COLEC12: variants seen among roughly 807,000 people sequenced by gnomAD.
COLEC12 encodes the protein collectin-12.
COLEC12 carries 33 observed loss-of-function variants against 71.1 expected under a neutral mutation model. The ratio of observed to expected loss-of-function variants is 0.46; its 90% confidence interval spans 0.35 to 0.62. COLEC12 has a LOEUF of 0.62. Ranked by LOEUF, COLEC12 falls within the 20% of genes least tolerant of loss-of-function variation. The pLI, the probability that COLEC12 is intolerant of heterozygous loss-of-function variation, is 0.00. For synonymous variants in COLEC12, 350 were observed against 353.0 expected, an observed-to-expected ratio of 0.99 and a Z score of 0.10; for missense variants, 765 against 916.1, an observed-to-expected ratio of 0.84 and a Z score of 2.13.
intron 2 of COLEC12, among the ~76,000 whole-genome samples, chr18:358,903 T>C (rs771980040): frequency 2.6e-5 from 4 of 152,236 alleles, no homozygotes; most frequent in Admixed American, 6.5e-5. Context: ...TTTATAATCT[T>C]ATGGGACTGC....
intron 2 of COLEC12, among the ~76,000 whole-genome samples, chr18:476,290 C>T (rs1440030796): frequency 6.6e-6 from 1 of 152,190 alleles, no homozygotes; most frequent in Non-Finnish European, 1.5e-5. Context: ...TCACAGTTTG[C>T]CATTATTCAG....
intron 3 of COLEC12, among the ~76,000 whole-genome samples, chr18:350,208 C>T (rs186338043): frequency 1.0e-3 from 152 of 152,250 alleles, no homozygotes; most frequent in Admixed American, 5.6e-3. Flanking sequence ...ATCATGGGGG[C>T]GGTTTCCCCC....
intron 2 of COLEC12, among the ~76,000 whole-genome samples, chr18:370,768 C>T (rs1914982059): frequency 6.6e-6 from 1 of 152,080 alleles, no homozygotes; most frequent in Non-Finnish European, 1.5e-5. Context: ...CTAAATGGTG[C>T]CTAGCCAGAG....
rs753836868 is a variant in COLEC12 at position 320,058 on chromosome 18, G to A, written c.2216C>T (p.Ser739Leu). 8 of 1,549,828 alleles carry A rather than the reference G, an allele frequency of 5.2e-6. No homozygotes were observed. Among genetic ancestry groups the A allele is most frequent in the Non-Finnish European group, 1.8e-6 (2 of 1,135,262 alleles). ...ICEKDRETVL[S>L]SAL is the part of the protein sequence containing the mutation. ...CATCACAGTCCGTTATAATGCAGAT[G>A]ACAGTACTAAAAGAGAGAAATAAGA... is the stretch of plus-strand genomic sequence containing the variant. The change falls in exon 10 of 10, where the codon TCA becomes TTA. Residue 739 changes from serine to leucine, a missense_variant. Physicochemically the swap from Ser to Leu is moderately radical, Grantham distance 145. Transcript: ENST00000400256.
At chr18:420,706 T>G (rs1916080897) in intron 2 of COLEC12, among the ~76,000 whole-genome samples, 2 of 152,150 alleles carry the variant, frequency 1.3e-5, no homozygotes, top group Admixed American at 1.3e-4. Flanking sequence ...CTCATTTGTT[T>G]GTGTATATTT....
chr18:434,996 T>A (rs776054927), intron 2 of COLEC12, among the ~76,000 whole-genome samples: 2 of 152,200 alleles, frequency 1.3e-5, no homozygotes, highest in African/African-American at 2.4e-5. Context: ...CAGCCTTGCC[T>A]GTTATCACAA....
chr18:392,056 T>C (rs1463149484), intron 2 of COLEC12, among the ~76,000 whole-genome samples: 1 of 152,234 alleles, frequency 6.6e-6, no homozygotes, highest in East Asian at 1.9e-4. Context: ...AGCCAGTGTA[T>C]ACCTGGGGCC....
chr18:420,989 G>A (rs941565105), intron 2 of COLEC12, among the ~76,000 whole-genome samples: 9 of 152,132 alleles, frequency 5.9e-5, no homozygotes, highest in Admixed American at 1.3e-4. Context: ...TAGACCTATC[G>A]GAAATTATTC....
At chr18:455,821 T>C (rs1916860655) in intron 2 of COLEC12, among the ~76,000 whole-genome samples, 1 of 152,196 alleles carries the variant, frequency 6.6e-6, no homozygotes, top group Non-Finnish European at 1.5e-5. Flanking sequence ...TGCAAAGACA[T>C]GATCTCATTC....
At chr18:374,763 T>C (rs1243853119) in intron 2 of COLEC12, among the ~76,000 whole-genome samples, 1 of 152,170 alleles carries the variant, frequency 6.6e-6, no homozygotes, top group African/African-American at 2.4e-5. Context: ...GCAATACTTA[T>C]CTGTGAGCCA....
Position 346,720 on chromosome 18 carries a change from G to A in COLEC12, c.902C>T (p.Thr301Ile). 1.2e-6 allele frequency: 2 copies of A among 1,614,186 alleles called. No homozygotes were observed. The highest frequency in any genetic ancestry group is 1.1e-5 in the South Asian group (1 of 91,080). The part of the protein sequence containing the change: ...NSFTGQMENI[T>I]TISQANEQNL... ...CTGCTCGTTGGCTTGAGAGATAGTG[G>A]TGATGTTCTCCATCTGACCTGTGAA... The change falls in exon 5 of 10, where the codon ACC (threonine) becomes ATC (isoleucine). Residue 301 changes from threonine to isoleucine, a missense_variant. Transcript: ENST00000400256. The surrounding 1 kb of genome is among the most constrained non-coding windows in gnomAD (Gnocchi z 4.0).
intron 2 of COLEC12, among the ~76,000 whole-genome samples, chr18:440,361 A>G (rs1339944524): frequency 3.7e-5 from 2 of 54,470 alleles, no homozygotes; most frequent in Non-Finnish European, 9.3e-5. Flanking sequence ...AATGTTCTCA[A>G]CACACACACA....
intron 2 of COLEC12, among the ~76,000 whole-genome samples, chr18:436,623 C>G (rs1016491622): frequency 6.7e-6 from 1 of 150,244 alleles, no homozygotes; most frequent in Admixed American, 6.6e-5. Context: ...CAGATCTCCT[C>G]TGTGTTTAAT....
chr18:322,986 G>A (rs886181210), intron 8 of COLEC12, among the ~76,000 whole-genome samples: 2 of 152,134 alleles, frequency 1.3e-5, no homozygotes, highest in South Asian at 2.1e-4. Context: ...GCGTTTTGGG[G>A]GGCTGAGGCA....
chr18:499,469 G>T lies in COLEC12; in HGVS notation c.7+1039C>A, dbSNP rs192928443. Among the ~76,000 whole-genome samples the T allele has an allele frequency of 3.4e-4, 52 of 152,314 alleles. No homozygotes were observed. The East Asian group carries it at 8.9e-3, about 26-fold the overall frequency. Reference sequence around the variant, plus strand: ...CCAAGCGCCTTGGGGCTTCCCGGGCGCCTCCCTCGGACGGCAACCCTAGAA... The same window carrying T: ...CCAAGCGCCTTGGGGCTTCCCGGGCTCCTCCCTCGGACGGCAACCCTAGAA... On this transcript the variant is annotated intron_variant, in intron 1 of 9. Coordinates refer to ENST00000400256, the MANE Select transcript of COLEC12 (RefSeq NM_130386.3).
Position 488,721 on chromosome 18 carries a change from A to AG in COLEC12, c.8-7965_8-7964insC, listed in dbSNP as rs1917564287. Among the ~76,000 whole-genome samples, 6 of 151,680 alleles carry AG rather than the reference A, an allele frequency of 4.0e-5. No individual in the cohort carries two copies. In the South Asian group the frequency reaches 1.3e-3, roughly 32 times the overall value. ...AACCCCGTCTCTACTAAAAATACAA[A>AG]AATTCGCTGGGCGTGCTGGTGTGCA... On this transcript the variant is annotated intron_variant, in intron 1 of 9. Transcript: ENST00000400256.
chr18:412,046 A>C (rs1915902440), intron 2 of COLEC12, among the ~76,000 whole-genome samples: 1 of 152,186 alleles, frequency 6.6e-6, no homozygotes, highest in Admixed American at 6.5e-5. Flanking sequence ...ATAGAAAAGT[A>C]ATAGAAGAAA....
At chr18:404,391 T>C (rs1465393977) in intron 2 of COLEC12, among the ~76,000 whole-genome samples, 1 of 152,222 alleles carries the variant, frequency 6.6e-6, no homozygotes, top group Non-Finnish European at 1.5e-5. Flanking sequence ...ATTATCAGTG[T>C]GGCAGCAATT....
Position 318,793 on chromosome 18 carries a change from GGAAAGGT to G in COLEC12, c.*1245_*1251del, listed in dbSNP as rs1913615677. 1.3e-5 allele frequency: 2 copies of G among 152,094 alleles called. No individual in the cohort carries two copies. The highest frequency in any genetic ancestry group is 2.4e-5 in the African/African-American group (1 of 41,418). The allele number at this position is 152,094 out of a possible 1,614,324, so 9.4% of individuals were successfully genotyped here. A position where few individuals can be genotyped will look rare whatever the true frequency, so the allele number is the denominator to read the frequency against. On this transcript the variant is annotated 3_prime_UTR_variant, in exon 10 of 10. Coordinates refer to ENST00000400256, the MANE Select transcript of COLEC12 (RefSeq NM_130386.3). Reference sequence around the variant, plus strand: ...CAGGCATGAGCCACTGCGCCCGGCTGGAAAGGTTCTTTTAAGAGTTCCACAAAGTGGC... The same window carrying G: ...CAGGCATGAGCCACTGCGCCCGGCTGTCTTTTAAGAGTTCCACAAAGTGGC...
Sources: gnomAD v4.1 joint callset for allele counts (sites outside exome capture counted in the v4.1 genomes callset) on GRCh38, gnomAD v4.1.1 for gene constraint, Gnocchi (gnomAD v3.1) non-coding constraint, MANE v1.5 for transcripts, NCBI Gene and HGNC (gene_info 2026-07-23, HGNC 2026-07-21) for gene names.